Variants in PTPRT observed in about 807,000 individuals in gnomAD.
PTPRT encodes protein tyrosine phosphatase receptor type T.
Under a neutral mutation model 176.8 loss-of-function variants are expected in PTPRT, and 56 were observed. That is an observed-to-expected ratio of 0.32 (90% CI 0.26 to 0.40). The LOEUF is 0.40. Ranked by LOEUF, PTPRT falls within the 10% of genes least tolerant of loss-of-function variation. The pLI is 1.00. For missense variants in PTPRT, 1,540 were observed against 1,908.2 expected (o/e 0.81, Z 3.60); for synonymous variants, 783 against 739.0 (o/e 1.06, Z -0.96).
Position 42,248,721 on chromosome 20 carries a change from T to G in PTPRT, c.2278A>C (p.Ile760Leu). ...ATGGTGAGCATCACGCCCAGGAGAA[T>G]GATGATGAACATGAGGAGGCCAGCG... Reference protein sequence around the residue: ...VIAGLLMFIIILLGVMLTIKR... With the variant: ...VIAGLLMFIILLLGVMLTIKR... Residue 760 changes from isoleucine to leucine, a missense_variant, in exon 14 of 31, where the codon ATT becomes CTT. Physicochemically the swap from Ile to Leu is conservative, Grantham distance 5. Coordinates refer to ENST00000373187, the MANE Select transcript of PTPRT (RefSeq NM_007050.6). The G allele has an allele frequency of 6.2e-7, 1 of 1,613,908 alleles. No homozygotes were observed.
chr20:42,587,803 T>A (rs977189894), intron 7 of PTPRT, among the ~76,000 whole-genome samples: 53 of 152,056 alleles, frequency 3.5e-4, no homozygotes, highest in Admixed American at 3.5e-3. Context: ...ATCACGAGCA[T>A]CTAGTATCTT....
At chr20:42,860,706 T>C (rs2078646072) in intron 2 of PTPRT, among the ~76,000 whole-genome samples, 1 of 152,228 alleles carries the variant, frequency 6.6e-6, no homozygotes, top group South Asian at 2.1e-4. Context: ...CATTTTTGTA[T>C]ATTTATTCCC....
At chr20:42,320,327 T>G (rs1488902627) in intron 11 of PTPRT, among the ~76,000 whole-genome samples, 1 of 152,160 alleles carries the variant, frequency 6.6e-6, no homozygotes, top group African/African-American at 2.4e-5. Flanking sequence ...GGCTTGAGAT[T>G]CTCGGACCAG....
At chr20:42,909,018 GGT>G (rs1231338630) in intron 1 of PTPRT, among the ~76,000 whole-genome samples, 1 of 152,082 alleles carries the variant, frequency 6.6e-6, no homozygotes, top group Non-Finnish European at 1.5e-5. Context: ...AGCTGGGAGT[GGT>G]GGCATGTACC....
At chr20:42,794,820 C>A (rs1289931115) in intron 2 of PTPRT, among the ~76,000 whole-genome samples, 1 of 142,130 alleles carries the variant, frequency 7.0e-6, no homozygotes, top group African/African-American at 2.7e-5. Flanking sequence ...ATAGCCTAGG[C>A]AAAGGCACAG....
In PTPRT at chr20:42,409,570, C is replaced by T. The variant is rs138499411; in HGVS notation, c.1560+38650G>A. ...AACAATGTCTTGCATTATAAAAGTGCCAATAGGTTGCTGGAAGGCAAAATA... is the reference window on the plus strand; with the variant it reads ...AACAATGTCTTGCATTATAAAAGTGTCAATAGGTTGCTGGAAGGCAAAATA... On this transcript the variant is annotated intron_variant, in intron 9 of 30. Transcript: ENST00000373187. Among the ~76,000 whole-genome samples the T allele has an allele frequency of 5.0e-3, 745 of 148,876 alleles. 5 individuals are homozygous for T. The highest frequency in any genetic ancestry group is 0.018 in the African/African-American group (722 of 40,056).
intron 7 of PTPRT, among the ~76,000 whole-genome samples, chr20:42,484,908 T>TACAAGGCC (rs1320899271): frequency 6.6e-6 from 1 of 152,174 alleles, no homozygotes; most frequent in Non-Finnish European, 1.5e-5. Context: ...AGCTGCCACA[T>TACAAGGCC]TCTGCTTCCC....
intron 7 of PTPRT, among the ~76,000 whole-genome samples, chr20:42,592,040 C>T (rs2073586649): frequency 7.1e-6 from 1 of 139,876 alleles, no homozygotes. Context: ...AGTGCAGTGG[C>T]ACGATCTCAG....
rs999727513 is a variant in PTPRT at position 43,189,399 on chromosome 20, C to A, written c.88+247G>T. ...AAGTTACTCCAGCCCGGGGGGCCGG[C>A]AGGAAACTGAAGCGGGGAACTTCGC... On this transcript the variant is annotated intron_variant, in intron 1 of 30. Transcript: ENST00000373187. The surrounding 1 kb of genome is among the most constrained non-coding windows in gnomAD (Gnocchi z 5.0). Among the ~76,000 whole-genome samples the A allele has an allele frequency of 1.2e-4, 18 of 152,192 alleles. No individual in the cohort carries two copies. The highest frequency in any genetic ancestry group is 7.8e-4 in the East Asian group (4 of 5,124).
chr20:42,941,333 A>G (rs1317008133), intron 1 of PTPRT, among the ~76,000 whole-genome samples: 1 of 152,172 alleles, frequency 6.6e-6, no homozygotes, highest in Non-Finnish European at 1.5e-5. Context: ...GTCATCAGGC[A>G]AAGGACTTTG....
intron 7 of PTPRT, among the ~76,000 whole-genome samples, chr20:42,595,089 C>A (rs1191242554): frequency 6.6e-6 from 1 of 152,160 alleles, no homozygotes; most frequent in Non-Finnish European, 1.5e-5. Flanking sequence ...CGTTGTCACT[C>A]CTGTCCTCAG....
chr20:42,550,163 A>G (rs1008666675), intron 7 of PTPRT, among the ~76,000 whole-genome samples: 2 of 152,070 alleles, frequency 1.3e-5, no homozygotes, highest in Non-Finnish European at 2.9e-5. Flanking sequence ...TGTTATCCTG[A>G]TAGGTTGCCA....
At chr20:42,194,413 G>C (rs1991117693) in intron 16 of PTPRT, among the ~76,000 whole-genome samples, 1 of 152,208 alleles carries the variant, frequency 6.6e-6, no homozygotes. Flanking sequence ...TCAGGACGGA[G>C]TTAACTCATG....
chr20:42,178,855 TTCTTGCCAATAGGTCAACTTACAATA>T (rs1338235447), intron 16 of PTPRT, among the ~76,000 whole-genome samples: 1 of 152,214 alleles, frequency 6.6e-6, no homozygotes, highest in Non-Finnish European at 1.5e-5. Context: ...CTCCCTCGAT[TTCTTGCCAATAGGTCAACTTACAATA>T]TAGTAGCTAG....
At chr20:42,581,940 A>G (rs771719367) in intron 7 of PTPRT, among the ~76,000 whole-genome samples, 11 of 152,228 alleles carry the variant, frequency 7.2e-5, no homozygotes, top group Non-Finnish European at 1.5e-4. Flanking sequence ...TAAAGGAATA[A>G]CTGAAATGAA....
At chr20:42,266,099 T>G (rs901175889) in intron 13 of PTPRT, among the ~76,000 whole-genome samples, 4 of 152,204 alleles carry the variant, frequency 2.6e-5, no homozygotes, top group African/African-American at 9.6e-5. Context: ...TTTCTTCTGT[T>G]GACCCTCACC....
chr20:42,957,847 A>G (rs1981731277), intron 1 of PTPRT, among the ~76,000 whole-genome samples: 1 of 152,164 alleles, frequency 6.6e-6, no homozygotes, highest in African/African-American at 2.4e-5. Flanking sequence ...CTCAGAGGAA[A>G]GTTGGTAATT....
Position 42,073,362 on chromosome 20 carries a change from G to A in PTPRT, c.*7517C>T, listed in dbSNP as rs568402861. The stretch of plus-strand genomic sequence containing the variant: ...TGGGCTAGCTCAGGATCCACCTGGT[G>A]ATGAAATGTGTGCACTGGAAATGAT... On this transcript the variant is annotated 3_prime_UTR_variant, in exon 31 of 31. Coordinates refer to ENST00000373187, the MANE Select transcript of PTPRT (RefSeq NM_007050.6). 2.1e-5 allele frequency: 4 copies of A among 191,066 alleles called. No homozygotes were observed. The South Asian group carries it at 5.8e-4, about 28-fold the overall frequency. The allele number at this position is 191,066 out of a possible 1,614,324, so 11.8% of individuals were successfully genotyped here. A position where few individuals can be genotyped will look rare whatever the true frequency, so the allele number is the denominator to read the frequency against.
At chr20:42,540,842 G>A (rs551089525) in intron 7 of PTPRT, among the ~76,000 whole-genome samples, 3 of 152,194 alleles carry the variant, frequency 2.0e-5, no homozygotes, top group Admixed American at 6.5e-5. Context: ...CCAAAATTAG[G>A]ATATAACTTC....
Sources: gnomAD v4.1 joint callset for allele counts (sites outside exome capture counted in the v4.1 genomes callset) on GRCh38, gnomAD v4.1.1 for gene constraint, Gnocchi (gnomAD v3.1) non-coding constraint, MANE v1.5 for transcripts, NCBI Gene and HGNC (gene_info 2026-07-23, HGNC 2026-07-21) for gene names.